The following PLXDC2 variants were observed in gnomAD, a reference collection of about 807,000 sequenced individuals.
PLXDC2 encodes the protein plexin domain-containing protein 2.
Under a neutral mutation model 68.9 loss-of-function variants are expected in PLXDC2, and 40 were observed. The observed-to-expected ratio is 0.58, with a 90% CI of 0.45 to 0.76. The LOEUF (loss-of-function observed/expected upper bound fraction) is 0.76, where lower values mean the gene tolerates loss of function less well. Ranked by LOEUF, PLXDC2 falls within the 30% of genes least tolerant of loss-of-function variation. The pLI, the probability that PLXDC2 is intolerant of heterozygous loss-of-function variation, is 0.00. For missense variants in PLXDC2, 644 were observed against 661.9 expected (o/e 0.97, Z 0.30); for synonymous variants, 243 against 234.2 (o/e 1.04, Z -0.34).
In PLXDC2 at chr10:20,225,806, A is replaced by C. The variant is rs181400506; in HGVS notation, c.1312+6704A>C. Among the ~76,000 whole-genome samples the C allele has an allele frequency of 7.8e-4, 112 of 143,854 alleles. 1 individual carries two copies. Among genetic ancestry groups the C allele is most frequent in the African/African-American group, 3.1e-3 (105 of 34,288 alleles). 94.4% of individuals were successfully genotyped at this position (143,854 alleles called of 152,430 possible). On this transcript the variant is annotated intron_variant, in intron 12 of 13. Coordinates refer to ENST00000377252, the MANE Select transcript of PLXDC2 (RefSeq NM_032812.9). ...TATTAGCCTCTAGGGCTGGAACCTG[A>C]GCACCAATTTTTTTTTAATTCCCAG...
At chr10:20,150,580 A>G (rs1307572832) in intron 6 of PLXDC2, among the ~76,000 whole-genome samples, 1 of 152,182 alleles carries the variant, frequency 6.6e-6, no homozygotes, top group East Asian at 1.9e-4. Context: ...AATCTAGTAT[A>G]TTGCTGTAAC....
intron 4 of PLXDC2, among the ~76,000 whole-genome samples, chr10:20,106,537 C>A (rs141331625): frequency 1.3e-5 from 2 of 152,294 alleles, no homozygotes; most frequent in Non-Finnish European, 2.9e-5. Context: ...CTTCACCAAG[C>A]CTCTCATTGG....
intron 1 of PLXDC2, among the ~76,000 whole-genome samples, chr10:19,858,674 A>G (rs1837261274): frequency 6.6e-6 from 1 of 152,032 alleles, no homozygotes; most frequent in South Asian, 2.1e-4. Context: ...AGTCTGGGAG[A>G]AGAAAGTAAG....
intron 12 of PLXDC2, among the ~76,000 whole-genome samples, chr10:20,233,128 G>A (rs951802831): frequency 6.6e-6 from 1 of 151,968 alleles, no homozygotes; most frequent in African/African-American, 2.4e-5. Context: ...TAGTTGATGC[G>A]AGTTGTATAG....
chr10:19,948,447 T>C (rs962960497), intron 1 of PLXDC2, among the ~76,000 whole-genome samples: 1 of 151,496 alleles, frequency 6.6e-6, no homozygotes, highest in Non-Finnish European at 1.5e-5. Context: ...TTAAGAATGA[T>C]TTTGATCTTC....
At chr10:20,084,363 C>G (rs1485990511) in intron 4 of PLXDC2, among the ~76,000 whole-genome samples, 1 of 152,138 alleles carries the variant, frequency 6.6e-6, no homozygotes, top group East Asian at 1.9e-4. Context: ...GGCACCCTGT[C>G]TTTGAGTAAG....
intron 1 of PLXDC2, among the ~76,000 whole-genome samples, chr10:19,888,171 G>A (rs181529312): frequency 7.4e-4 from 113 of 152,188 alleles, no homozygotes; most frequent in African/African-American, 2.3e-3. Context: ...CTAGCAGACC[G>A]GGCTATTGCT....
At chr10:20,059,196 C>G (rs972893255) in intron 3 of PLXDC2, among the ~76,000 whole-genome samples, 9 of 152,202 alleles carry the variant, frequency 5.9e-5, no homozygotes, top group African/African-American at 2.2e-4. Flanking sequence ...TTTCTTCTGG[C>G]TCTCACCCAA....
chr10:20,076,725 C>T (rs1482118470), intron 4 of PLXDC2, among the ~76,000 whole-genome samples: 1 of 152,132 alleles, frequency 6.6e-6, no homozygotes. Flanking sequence ...ATTGTCATCT[C>T]TAACTGCTCC....
intron 2 of PLXDC2, among the ~76,000 whole-genome samples, chr10:20,002,200 G>A (rs1290832596): frequency 6.6e-6 from 1 of 151,330 alleles, no homozygotes; most frequent in African/African-American, 2.4e-5. Context: ...GTGTGGTGAT[G>A]ACAGTGAGCA....
chr10:19,916,661 T>C (rs576013695), intron 1 of PLXDC2, among the ~76,000 whole-genome samples: 3 of 152,056 alleles, frequency 2.0e-5, no homozygotes, highest in Non-Finnish European at 4.4e-5. Context: ...ACCAAGCAAC[T>C]CAAGTCCAGA....
chr10:20,008,947 G>A lies in PLXDC2; in HGVS notation c.324+6961G>A, dbSNP rs547701625. Among the ~76,000 whole-genome samples, 9 of 152,274 alleles carry A rather than the reference G, an allele frequency of 5.9e-5. No homozygotes were observed. The East Asian group carries it at 1.2e-3, about 20-fold the overall frequency. On this transcript the variant is annotated intron_variant, in intron 2 of 13. Coordinates refer to ENST00000377252, the MANE Select transcript of PLXDC2 (RefSeq NM_032812.9). ...AGCCGTGTGGAACTGTGAGTCCATT[G>A]AATCTCTTTTTCTTTATAAATTACC...
chr10:20,022,586 T>C (rs1487858871), intron 2 of PLXDC2, among the ~76,000 whole-genome samples: 1 of 152,096 alleles, frequency 6.6e-6, no homozygotes, highest in Non-Finnish European at 1.5e-5. Flanking sequence ...GGCTGCTTTC[T>C]AGAGTAAGGA....
chr10:19,953,906 A>C (rs1834028553), intron 1 of PLXDC2, among the ~76,000 whole-genome samples: 2 of 152,074 alleles, frequency 1.3e-5, no homozygotes, highest in Non-Finnish European at 2.9e-5. Flanking sequence ...TGATTGTTTT[A>C]ATTTCAAAGA....
rs1835176936 is a variant in PLXDC2, at chr10:20,219,048, T to C, written c.1274-16T>C. On this transcript the variant is annotated splice_polypyrimidine_tract_variant and intron_variant, in intron 11 of 13. Transcript: ENST00000377252. ...CAATCCTTTTCTGTTATAGTAACTT[T>C]GAATTTCTCTTCCAGATGATACCAA... 1.2e-6 allele frequency: 2 copies of C among 1,607,144 alleles called. No individual in the cohort carries two copies. Among genetic ancestry groups the C allele is most frequent in the Admixed American group, 1.7e-5 (1 of 59,024 alleles).
At chr10:20,004,633 T>C (rs1286710264) in intron 2 of PLXDC2, among the ~76,000 whole-genome samples, 4 of 152,212 alleles carry the variant, frequency 2.6e-5, no homozygotes, top group African/African-American at 9.7e-5. Flanking sequence ...TAAAGACTTT[T>C]AAATTTCTTC....
At chr10:20,195,681 T>C (rs995917142) in intron 9 of PLXDC2, among the ~76,000 whole-genome samples, 2 of 152,106 alleles carry the variant, frequency 1.3e-5, no homozygotes, top group Admixed American at 1.3e-4. Context: ...AACTAATAAA[T>C]TAGGAAAAAG....
intron 1 of PLXDC2, 138 bp downstream of exon 1, chr10:19,817,329 C>G: frequency 1.4e-6 from 1 of 719,600 alleles, no homozygotes; most frequent in Non-Finnish European, 2.3e-6. Context: ...TTCGGCTAAA[C>G]TTAGGCTTCC....
intron 1 of PLXDC2, among the ~76,000 whole-genome samples, chr10:19,998,250 T>A (rs1459062027): frequency 6.6e-6 from 1 of 152,178 alleles, no homozygotes; most frequent in Non-Finnish European, 1.5e-5. Context: ...TTTGTATGAG[T>A]TTGAAAGTCT....
Sources: allele counts gnomAD v4.1 joint callset (sites outside exome capture counted in the v4.1 genomes callset), GRCh38; gene constraint gnomAD v4.1.1; transcripts MANE v1.5; gene names NCBI Gene and HGNC (gene_info 2026-07-23, HGNC 2026-07-21).